NRXN1: variants seen among roughly 807,000 people sequenced by gnomAD.
The protein encoded by NRXN1 is neurexin 1.
NRXN1 carries 39 observed loss-of-function variants against 150.9 expected under a neutral mutation model. The observed-to-expected ratio is 0.26, with a 90% CI of 0.20 to 0.34. The LOEUF (loss-of-function observed/expected upper bound fraction) is 0.34. Among genes scored for constraint, NRXN1 ranks in the 10% least tolerant of loss-of-function variants. The pLI is 1.00. For synonymous variants in NRXN1, 924 were observed against 757.0 expected, an observed-to-expected ratio of 1.22 and a Z score of -3.62; for missense variants, 1,815 against 1,949.9, an observed-to-expected ratio of 0.93 and a Z score of 1.30.
chr2:51,005,459 CA>C (rs1052448320), intron 2 of NRXN1, among the ~76,000 whole-genome samples: 8 of 151,682 alleles, frequency 5.3e-5, no homozygotes, highest in Non-Finnish European at 1.0e-4. Context: ...AGCTATCCTT[CA>C]AAAATGAAAA....
At chr2:50,215,988 C>G (rs2063368546) in intron 18 of NRXN1, among the ~76,000 whole-genome samples, 1 of 151,958 alleles carries the variant, frequency 6.6e-6, no homozygotes, top group South Asian at 2.1e-4. Context: ...TTTCAAGGAA[C>G]TAAATATGCT....
At position 50,663,955 on chromosome 2, in the gene NRXN1, C is replaced by T. The variant is rs1687655201; in HGVS notation, c.833-40340G>A. Among the ~76,000 whole-genome samples, 3 of 151,952 alleles carry T rather than the reference C, an allele frequency of 2.0e-5. No homozygotes were observed. The South Asian group carries it at 6.2e-4, about 31-fold the overall frequency. Reference sequence around the variant, plus strand: ...GCTTTCTGATTCTATGCATCTGAATCTCAATGGCACCATCTCTAGGAAAAT... The same window carrying T: ...GCTTTCTGATTCTATGCATCTGAATTTCAATGGCACCATCTCTAGGAAAAT... On this transcript the variant is annotated intron_variant, in intron 5 of 22. Transcript: ENST00000401669.
At chr2:50,769,742 A>G (rs1000924387) in intron 5 of NRXN1, among the ~76,000 whole-genome samples, 27 of 152,216 alleles carry the variant, frequency 1.8e-4, no homozygotes, top group African/African-American at 6.3e-4. Flanking sequence ...TAAAGCCTTC[A>G]AAAATTATTG....
At chr2:50,605,454 A>C (rs189976669) in intron 8 of NRXN1, among the ~76,000 whole-genome samples, 2 of 152,278 alleles carry the variant, frequency 1.3e-5, no homozygotes, top group Non-Finnish European at 2.9e-5. Flanking sequence ...ACAATAACCC[A>C]ATTAAAAATG....
At chr2:50,901,116 C>G (rs1682875199) in intron 5 of NRXN1, among the ~76,000 whole-genome samples, 1 of 152,018 alleles carries the variant, frequency 6.6e-6, no homozygotes, top group Admixed American at 6.6e-5. Flanking sequence ...TTGTTTCATA[C>G]CATTAAAATG....
chr2:51,015,515 T>TG (rs1294270812), intron 2 of NRXN1, among the ~76,000 whole-genome samples: 1 of 152,030 alleles, frequency 6.6e-6, no homozygotes. Context: ...TCTGGGAACA[T>TG]GAACAGCTCC....
intron 8 of NRXN1, among the ~76,000 whole-genome samples, chr2:50,574,379 A>G (rs1304321710): frequency 2.0e-5 from 3 of 152,164 alleles, no homozygotes; most frequent in Non-Finnish European, 4.4e-5. Flanking sequence ...GATATGAACC[A>G]AAAGCTTCCG....
chr2:50,807,721 T>C (rs1007240423), intron 5 of NRXN1, among the ~76,000 whole-genome samples: 2 of 152,176 alleles, frequency 1.3e-5, no homozygotes, highest in Non-Finnish European at 2.9e-5. Context: ...CTTGGCGTTG[T>C]GTCACTACCC....
intron 2 of NRXN1, among the ~76,000 whole-genome samples, chr2:50,968,562 ATT>A (rs1286327038): frequency 6.6e-6 from 1 of 152,010 alleles, no homozygotes; most frequent in Non-Finnish European, 1.5e-5. Flanking sequence ...TGACTCAATA[ATT>A]TTGTTTCTGA....
intron 2 of NRXN1, among the ~76,000 whole-genome samples, chr2:50,950,217 G>GGTTTTAAATTTATGAA (rs1318696869): frequency 6.6e-6 from 1 of 151,942 alleles, no homozygotes; most frequent in Non-Finnish European, 1.5e-5. Context: ...CATGTGTCAA[G>GGTTTTAAATTTATGAA]GTATTAGCTT....
At chr2:50,236,504 T>G (rs575726178) in intron 18 of NRXN1, among the ~76,000 whole-genome samples, 1 of 145,174 alleles carries the variant, frequency 6.9e-6, no homozygotes, top group South Asian at 2.2e-4. Flanking sequence ...CAAGTCTGCC[T>G]AAAGACACTA....
chr2:50,458,542 C>T (rs1429845108), intron 17 of NRXN1, among the ~76,000 whole-genome samples: 2 of 151,932 alleles, frequency 1.3e-5, no homozygotes, highest in African/African-American at 2.4e-5. Context: ...TAAAATACCA[C>T]ATGTACCCCC....
intron 5 of NRXN1, among the ~76,000 whole-genome samples, chr2:50,741,587 G>C (rs1319282130): frequency 6.6e-6 from 1 of 151,914 alleles, no homozygotes; most frequent in Non-Finnish European, 1.5e-5. Context: ...AAAAATTTGT[G>C]GGTTCCTAAA....
intron 21 of NRXN1, among the ~76,000 whole-genome samples, chr2:50,030,133 A>G (rs1688975973): frequency 6.6e-6 from 1 of 152,170 alleles, no homozygotes; most frequent in Non-Finnish European, 1.5e-5. Flanking sequence ...AACATTCAAG[A>G]TAGACTTAAT....
At chr2:50,464,751 G>C (rs2088632444) in intron 17 of NRXN1, among the ~76,000 whole-genome samples, 1 of 151,784 alleles carries the variant, frequency 6.6e-6, no homozygotes, top group Non-Finnish European at 1.5e-5. Flanking sequence ...CTGTAAATCA[G>C]GACCTATTAG....
intron 5 of NRXN1, among the ~76,000 whole-genome samples, chr2:50,875,711 G>A (rs1266001449): frequency 6.6e-6 from 1 of 151,762 alleles, no homozygotes; most frequent in Admixed American, 6.6e-5. Flanking sequence ...CCAACAGCTT[G>A]ATATCCAGGC....
rs77632746 is a variant in NRXN1, at chr2:50,275,074, C to A, written c.3365-38104G>T. On this transcript the variant is annotated intron_variant, in intron 17 of 22. Transcript: ENST00000401669. ...CAGATACTTTAAACACCAAGAATAT[C>A]ATCACTCCATTTGTTCTGCTCCTTT... 6.9e-3 allele frequency among the ~76,000 whole-genome samples: 1,057 copies of A among 152,244 alleles called. 11 individuals carry two copies. Among genetic ancestry groups the A allele is most frequent in the African/African-American group, 0.024 (1,017 of 41,532 alleles).
At chr2:51,030,289 A>G (rs1171115978) in intron 1 of NRXN1, among the ~76,000 whole-genome samples, 1 of 152,070 alleles carries the variant, frequency 6.6e-6, no homozygotes, top group African/African-American at 2.4e-5. Flanking sequence ...ATGCACACAC[A>G]CACCCCAAAT....
intron 15 of NRXN1, among the ~76,000 whole-genome samples, chr2:50,493,232 G>A (rs1171172084): frequency 1.3e-5 from 2 of 152,286 alleles, no homozygotes; most frequent in African/African-American, 2.4e-5. Flanking sequence ...ATGTCTGAGC[G>A]AAGAGTTCAT....
Sources: gnomAD v4.1 joint callset for allele counts (sites outside exome capture counted in the v4.1 genomes callset) on GRCh38, gnomAD v4.1.1 for gene constraint, MANE v1.5 for transcripts, NCBI Gene and HGNC (gene_info 2026-07-23, HGNC 2026-07-21) for gene names.